Variants in CTNND2 observed in about 807,000 individuals in gnomAD.
The protein encoded by CTNND2 is catenin delta 2, also known as catenin delta-2.
A neutral mutation model predicts 144.4 loss-of-function variants in CTNND2; 22 were observed. The observed-to-expected ratio is 0.15, with a 90% CI of 0.11 to 0.22. The LOEUF is 0.22. Among genes scored for constraint, CTNND2 ranks in the 10% least tolerant of loss-of-function variants. The pLI, the probability that CTNND2 is intolerant of heterozygous loss-of-function variation, is 1.00. For missense variants in CTNND2, 1,353 were observed against 1,618.8 expected, an observed-to-expected ratio of 0.84 and a Z score of 2.82; for synonymous variants, 751 against 695.6, an observed-to-expected ratio of 1.08 and a Z score of -1.25.
intron 6 of CTNND2, among the ~76,000 whole-genome samples, chr5:11,387,280 A>C (rs188220066): frequency 6.6e-6 from 1 of 151,564 alleles, no homozygotes; most frequent in South Asian, 2.1e-4. Flanking sequence ...AGCAATCAGA[A>C]TCATACCCCC....
chr5:11,187,846 G>T (rs1016809546), intron 11 of CTNND2, among the ~76,000 whole-genome samples: 1 of 152,130 alleles, frequency 6.6e-6, no homozygotes, highest in East Asian at 1.9e-4. Flanking sequence ...ACAAACCTAT[G>T]AAAAAAGCTC....
At chr5:11,114,999 T>C (rs1753402284) in intron 13 of CTNND2, among the ~76,000 whole-genome samples, 1 of 152,206 alleles carries the variant, frequency 6.6e-6, no homozygotes, top group Non-Finnish European at 1.5e-5. Context: ...ATTATGCTCC[T>C]TGTCACAGAG....
intron 1 of CTNND2, among the ~76,000 whole-genome samples, chr5:11,758,963 AGTT>A (rs1236202331): frequency 1.3e-5 from 2 of 152,162 alleles, no homozygotes; most frequent in East Asian, 3.9e-4. Context: ...TTTAATATTT[AGTT>A]GTTAGAAAAT....
chr5:11,684,211 C>G (rs1192522424), intron 2 of CTNND2, among the ~76,000 whole-genome samples: 1 of 151,918 alleles, frequency 6.6e-6, no homozygotes, highest in Non-Finnish European at 1.5e-5. Context: ...ATGCCATTCT[C>G]CTGCCTCAGC....
chr5:11,603,242 A>C (rs1017819691), intron 2 of CTNND2, among the ~76,000 whole-genome samples: 1 of 152,210 alleles, frequency 6.6e-6, no homozygotes, highest in African/African-American at 2.4e-5. Flanking sequence ...ATGTATACTT[A>C]GTATATTAAA....
At chr5:11,721,789 CT>C (rs1276937300) in intron 2 of CTNND2, among the ~76,000 whole-genome samples, 1 of 152,240 alleles carries the variant, frequency 6.6e-6, no homozygotes, top group Non-Finnish European at 1.5e-5. Flanking sequence ...GAATGAGCAT[CT>C]CAGAAGAACT....
chr5:11,619,921 C>A (rs1780753774), intron 2 of CTNND2, among the ~76,000 whole-genome samples: 2 of 152,066 alleles, frequency 1.3e-5, no homozygotes, highest in South Asian at 4.1e-4. Context: ...ATTATCTGAC[C>A]TGTGAAGTTT....
intron 7 of CTNND2, among the ~76,000 whole-genome samples, chr5:11,365,554 T>G (rs1393913687): frequency 6.6e-6 from 1 of 152,236 alleles, no homozygotes; most frequent in Admixed American, 6.5e-5. Context: ...GTTTAATGTA[T>G]AAATTGCGGC....
chr5:11,252,827 C>T (rs769669879), intron 9 of CTNND2, among the ~76,000 whole-genome samples: 1 of 152,182 alleles, frequency 6.6e-6, no homozygotes, highest in Non-Finnish European at 1.5e-5. Context: ...GTGTACTCCT[C>T]AGTAATTTCA....
chr5:11,606,667 A>C (rs1163113667), intron 2 of CTNND2, among the ~76,000 whole-genome samples: 2 of 152,200 alleles, frequency 1.3e-5, no homozygotes, highest in Non-Finnish European at 2.9e-5. Flanking sequence ...TGAGGGCTGG[A>C]GGCATCAGTC....
chr5:11,902,406 C>G (rs1737985210), intron 1 of CTNND2, among the ~76,000 whole-genome samples: 1 of 152,184 alleles, frequency 6.6e-6, no homozygotes, highest in Admixed American at 6.5e-5. Context: ...ACAGCAAACA[C>G]TTCTCCATGG....
chr5:11,574,544 C>T, intron 2 of CTNND2, among the ~76,000 whole-genome samples: 1 of 152,104 alleles, frequency 6.6e-6, no homozygotes, highest in South Asian at 2.1e-4. Context: ...AACTATAGCT[C>T]ATCATTTCAC....
chr5:11,782,697 G>T (rs540747445), intron 1 of CTNND2, among the ~76,000 whole-genome samples: 1 of 152,134 alleles, frequency 6.6e-6, no homozygotes, highest in Non-Finnish European at 1.5e-5. Flanking sequence ...TTTTCTTTTT[G>T]AACTGTCTGG....
chr5:11,588,620 T>C (rs1779025614), intron 2 of CTNND2: 4 of 294,648 alleles, frequency 1.4e-5, no homozygotes, highest in African/African-American at 2.3e-5. Context: ...ATATTTTCTA[T>C]ACAGAACTTT....
chr5:11,008,358 G>A (rs1183184541), intron 18 of CTNND2, among the ~76,000 whole-genome samples: 3 of 152,150 alleles, frequency 2.0e-5, no homozygotes, highest in African/African-American at 7.2e-5. Flanking sequence ...CCTTATAAGA[G>A]AGATTTGGGG....
Position 11,607,974 on chromosome 5 carries a change from T to C in CTNND2, c.175-42918A>G, listed in dbSNP as rs751931417. Among the ~76,000 whole-genome samples, 52 of 152,146 alleles carry C rather than the reference T, an allele frequency of 3.4e-4. 1 individual carries two copies. Among genetic ancestry groups the C allele is most frequent in the South Asian group, 6.2e-4 (3 of 4,828 alleles). ...CCCAGGGGAAAATCCTCTTATAAAA[T>C]ACAACATCTCTGAATTTTATCAACA... On this transcript the variant is annotated intron_variant, in intron 2 of 21. Coordinates refer to ENST00000304623, the MANE Select transcript of CTNND2 (RefSeq NM_001332.4).
At chr5:11,728,696 T>C (rs1787158932) in intron 2 of CTNND2, among the ~76,000 whole-genome samples, 1 of 152,198 alleles carries the variant, frequency 6.6e-6, no homozygotes, top group Non-Finnish European at 1.5e-5. Flanking sequence ...CAATAGAGTA[T>C]CTGGAGTTAC....
chr5:11,825,742 G>C (rs1793569728), intron 1 of CTNND2, among the ~76,000 whole-genome samples: 1 of 151,906 alleles, frequency 6.6e-6, no homozygotes, highest in African/African-American at 2.4e-5. Flanking sequence ...AGAATAAAAA[G>C]AGAAAGAAAT....
intron 1 of CTNND2, among the ~76,000 whole-genome samples, chr5:11,900,009 G>A (rs1346902194): frequency 1.3e-5 from 2 of 152,066 alleles, no homozygotes; most frequent in South Asian, 2.1e-4. Context: ...GACATATAAC[G>A]TGTTTGTGTG....
Sources: allele counts gnomAD v4.1 joint callset (sites outside exome capture counted in the v4.1 genomes callset), GRCh38; gene constraint gnomAD v4.1.1; transcripts MANE v1.5; gene names NCBI Gene and HGNC (gene_info 2026-07-23, HGNC 2026-07-21).